Variants in ARHGAP42 observed in about 807,000 individuals in gnomAD.
The protein encoded by ARHGAP42 is rho GTPase-activating protein 42.
Under a neutral mutation model 125.0 loss-of-function variants are expected in ARHGAP42, and 63 were observed. That is an observed-to-expected ratio of 0.50 (90% CI 0.41 to 0.62). The LOEUF is 0.62. Ranked by LOEUF, ARHGAP42 falls within the 20% of genes least tolerant of loss-of-function variation. The pLI, the probability that ARHGAP42 is intolerant of heterozygous loss-of-function variation, is 0.00. For synonymous variants in ARHGAP42, 339 were observed against 351.0 expected (o/e 0.97, Z 0.38); for missense variants, 766 against 1,024.2 (o/e 0.75, Z 3.44).
At chr11:100,861,155 A>G (rs1026055142) in intron 4 of ARHGAP42, among the ~76,000 whole-genome samples, 1 of 152,250 alleles carries the variant, frequency 6.6e-6, no homozygotes, top group South Asian at 2.1e-4. Context: ...GACCTACGTC[A>G]TGAGGAAGAA....
chr11:100,726,334 G>A (rs1201724931), intron 1 of ARHGAP42, among the ~76,000 whole-genome samples: 2 of 152,230 alleles, frequency 1.3e-5, no homozygotes, highest in East Asian at 3.9e-4. Flanking sequence ...AGATACTGGT[G>A]GTGCTGATGG....
intron 3 of ARHGAP42, among the ~76,000 whole-genome samples, chr11:100,829,111 C>T (rs1412328569): frequency 1.3e-5 from 2 of 152,084 alleles, no homozygotes; most frequent in Non-Finnish European, 2.9e-5. Context: ...AGTCTGTGGC[C>T]CTTATCCTCA....
intron 1 of ARHGAP42, among the ~76,000 whole-genome samples, chr11:100,752,424 A>G (rs1862481566): frequency 6.6e-6 from 1 of 152,180 alleles, no homozygotes; most frequent in Non-Finnish European, 1.5e-5. Context: ...ACCAGTGGTA[A>G]GATCTGGGAC....
chr11:100,697,607 A>T (rs1007315022), intron 1 of ARHGAP42, among the ~76,000 whole-genome samples: 2 of 152,216 alleles, frequency 1.3e-5, no homozygotes, highest in Non-Finnish European at 2.9e-5. Context: ...AGCTTATCCA[A>T]ATGAAAGACC....
chr11:100,902,194 T>C lies in ARHGAP42; in HGVS notation c.385-11258T>C, dbSNP rs149039609. Among the ~76,000 whole-genome samples, 25 of 152,340 alleles carry C rather than the reference T, an allele frequency of 1.6e-4. No individual in the cohort carries two copies. The East Asian group carries it at 4.2e-3, about 26-fold the overall frequency. ...AACCCGTTGAAGAATGGGGCAGTCA[T>C]TTTTCCTTTAAATGTTAAAACTAAG... is the stretch of plus-strand genomic sequence containing the variant. On this transcript the variant is annotated intron_variant, in intron 4 of 23. Transcript: ENST00000298815.
intron 21 of ARHGAP42, among the ~76,000 whole-genome samples, chr11:100,978,338 A>G (rs1847553830): frequency 6.6e-6 from 1 of 152,184 alleles, no homozygotes; most frequent in African/African-American, 2.4e-5. Flanking sequence ...AGCTTAGAAC[A>G]TCAAGGAATT....
At chr11:100,877,063 G>C (rs748382122) in intron 4 of ARHGAP42, among the ~76,000 whole-genome samples, 1 of 152,196 alleles carries the variant, frequency 6.6e-6, no homozygotes, top group Non-Finnish European at 1.5e-5. Flanking sequence ...GGTAAATGTG[G>C]TTAACTGGTC....
intron 22 of ARHGAP42, among the ~76,000 whole-genome samples, chr11:100,981,535 G>C (rs999456593): frequency 6.6e-6 from 1 of 152,238 alleles, no homozygotes; most frequent in Non-Finnish European, 1.5e-5. Context: ...ATTTTGGAAA[G>C]AGACCAGTTG....
In ARHGAP42 at chr11:100,992,353, G is replaced by T; in HGVS notation, c.*3552G>T. 6.2e-7 allele frequency: 1 copy of T among 1,613,326 alleles called. No homozygotes were observed. Among genetic ancestry groups the T allele is most frequent in the South Asian group, 1.1e-5 (1 of 90,930 alleles). On this transcript the variant is annotated 3_prime_UTR_variant, in exon 24 of 24. Transcript: ENST00000298815. ...TAGGACCCGGAAATCACATCTCCTG[G>T]TCAGGTCACGAAAAAGAACACAGGC... is the stretch of plus-strand genomic sequence containing the variant.
intron 12 of ARHGAP42, among the ~76,000 whole-genome samples, chr11:100,958,473 A>G (rs1857865704): frequency 6.6e-6 from 1 of 152,000 alleles, no homozygotes; most frequent in Non-Finnish European, 1.5e-5. Context: ...TAGTTTTGAC[A>G]TTTTTATTTC....
At chr11:100,692,951 C>T (rs974040572) in intron 1 of ARHGAP42, among the ~76,000 whole-genome samples, 6 of 152,132 alleles carry the variant, frequency 3.9e-5, no homozygotes, top group Non-Finnish European at 5.9e-5. Context: ...ACTTTTTAAG[C>T]CAGCTTTGAC....
At chr11:100,926,109 C>T (rs1004511486) in intron 6 of ARHGAP42, among the ~76,000 whole-genome samples, 1 of 152,154 alleles carries the variant, frequency 6.6e-6, no homozygotes. Context: ...CTTGTTATGA[C>T]TCATCTGCCT....
At chr11:100,957,560 A>G (rs755908548) in intron 12 of ARHGAP42, among the ~76,000 whole-genome samples, 10 of 152,016 alleles carry the variant, frequency 6.6e-5, no homozygotes, top group African/African-American at 9.7e-5. Flanking sequence ...CCATGAAACT[A>G]CTCTTTCAGT....
chr11:100,756,009 T>C (rs1483412034), intron 1 of ARHGAP42, among the ~76,000 whole-genome samples: 1 of 152,094 alleles, frequency 6.6e-6, no homozygotes, highest in African/African-American at 2.4e-5. Flanking sequence ...ATATAAAATA[T>C]AAAGGTACAC....
At chr11:100,726,092 A>G (rs935691022) in intron 1 of ARHGAP42, among the ~76,000 whole-genome samples, 1 of 151,818 alleles carries the variant, frequency 6.6e-6, no homozygotes, top group Non-Finnish European at 1.5e-5. Flanking sequence ...AAAAAAAAAA[A>G]AAAAAAGTTA....
intron 1 of ARHGAP42, among the ~76,000 whole-genome samples, chr11:100,756,875 A>G (rs1862590959): frequency 6.6e-6 from 1 of 152,194 alleles, no homozygotes; most frequent in Non-Finnish European, 1.5e-5. Context: ...ACAGCATAGC[A>G]TTTTAGGTGA....
intron 4 of ARHGAP42, among the ~76,000 whole-genome samples, chr11:100,866,387 C>A (rs989102225): frequency 6.6e-6 from 1 of 152,144 alleles, no homozygotes; most frequent in African/African-American, 2.4e-5. Flanking sequence ...ATGTTGAATC[C>A]TTTCCAGAAG....
chr11:100,900,339 A>AT (rs1188997016), intron 4 of ARHGAP42, among the ~76,000 whole-genome samples: 1 of 151,980 alleles, frequency 6.6e-6, no homozygotes, highest in East Asian at 1.9e-4. Flanking sequence ...TGTGCTTAAC[A>AT]TTTTTTCCTT....
At chr11:100,842,505 G>T (rs116188557) in intron 3 of ARHGAP42, among the ~76,000 whole-genome samples, 86 of 152,226 alleles carry the variant, frequency 5.6e-4, no homozygotes, top group African/African-American at 1.9e-3. Flanking sequence ...AAGCATATTA[G>T]CACCTGTCAG....
Sources: gnomAD v4.1 joint callset for allele counts (sites outside exome capture counted in the v4.1 genomes callset) on GRCh38, gnomAD v4.1.1 for gene constraint, MANE v1.5 for transcripts, NCBI Gene and HGNC (gene_info 2026-07-23, HGNC 2026-07-21) for gene names.